SNTG1: variants seen among roughly 807,000 people sequenced by gnomAD.
SNTG1 encodes the protein syntrophin gamma 1.
In SNTG1, 39 loss-of-function variants were observed where a neutral mutation model predicts 74.7. That is an observed-to-expected ratio of 0.52 (90% CI 0.40 to 0.68). The LOEUF (loss-of-function observed/expected upper bound fraction) is 0.68, where lower values mean the gene tolerates loss of function less well. Ranked by LOEUF, SNTG1 falls within the 30% of genes least tolerant of loss-of-function variation. The pLI is 0.00. For synonymous variants in SNTG1, 254 were observed against 217.1 expected (o/e 1.17, Z -1.49); for missense variants, 685 against 609.5 (o/e 1.12, Z -1.30).
At chr8:50,542,113 C>CATAT (rs147663122) in intron 11 of SNTG1, among the ~76,000 whole-genome samples, 8 of 96,084 alleles carry the variant, frequency 8.3e-5, no homozygotes, top group South Asian at 6.7e-4. Context: ...TGTATATATA[C>CATAT]ATATATATAT....
chr8:50,737,305 G>A (rs1354898790), intron 17 of SNTG1, among the ~76,000 whole-genome samples: 1 of 151,854 alleles, frequency 6.6e-6, no homozygotes, highest in Non-Finnish European at 1.5e-5. Context: ...ACCAGAAAAT[G>A]TAGAATAAAT....
chr8:50,685,307 T>C (rs1478539911), intron 15 of SNTG1, among the ~76,000 whole-genome samples: 1 of 152,168 alleles, frequency 6.6e-6, no homozygotes, highest in Non-Finnish European at 1.5e-5. Context: ...GAAAGAACTA[T>C]GCCATTTAAA....
chr8:50,695,246 T>C (rs866770641), intron 15 of SNTG1, among the ~76,000 whole-genome samples: 1 of 151,308 alleles, frequency 6.6e-6, no homozygotes, highest in African/African-American at 2.4e-5. Flanking sequence ...AGAAACAAAT[T>C]TAGGAAAGTT....
chr8:50,210,559 G>A (rs1025867280), intron 2 of SNTG1, among the ~76,000 whole-genome samples: 7 of 152,218 alleles, frequency 4.6e-5, no homozygotes, highest in African/African-American at 1.7e-4. Flanking sequence ...CCAGAAGAGA[G>A]TGGGAGCCAA....
At chr8:50,280,095 G>A (rs2088352924) in intron 2 of SNTG1, among the ~76,000 whole-genome samples, 1 of 152,158 alleles carries the variant, frequency 6.6e-6, no homozygotes, top group African/African-American at 2.4e-5. Flanking sequence ...AGACATATTT[G>A]GGGTAGCATA....
At chr8:49,995,367 G>A (rs1814105755) in intron 1 of SNTG1, among the ~76,000 whole-genome samples, 1 of 152,170 alleles carries the variant, frequency 6.6e-6, no homozygotes, top group African/African-American at 2.4e-5. Context: ...TAAATCAGGT[G>A]GCCAGAAGGT....
chr8:50,323,868 A>G (rs11783674), intron 2 of SNTG1, among the ~76,000 whole-genome samples: 81,934 of 151,978 alleles, frequency 0.54, 24,479 homozygotes, highest in East Asian at 0.85. Context: ...AAAAACTTTA[A>G]CAATTTACCA....
rs140393237 is a variant in SNTG1, at chr8:50,185,422, G to C, written c.-28+12787G>C. The stretch of plus-strand genomic sequence containing the variant: ...CAGTCTCAGGCAGTTATTTACAGCA[G>C]TGAGTGTGATAATGGACTAATATAC... On this transcript the variant is annotated intron_variant, in intron 2 of 18. Transcript: ENST00000642720. Among the ~76,000 whole-genome samples, 350 of 152,278 alleles carry C rather than the reference G, an allele frequency of 2.3e-3. 1 individual carries two copies. Among genetic ancestry groups the C allele is most frequent in the Non-Finnish European group, 4.2e-3 (288 of 68,016 alleles).
intron 12 of SNTG1, among the ~76,000 whole-genome samples, chr8:50,574,334 C>G (rs2130781047): frequency 6.6e-6 from 1 of 152,016 alleles, no homozygotes; most frequent in South Asian, 2.1e-4. Flanking sequence ...CTATATTTAC[C>G]TGATATTTTT....
chr8:50,338,029 A>G (rs1019047725), intron 2 of SNTG1, among the ~76,000 whole-genome samples: 2 of 151,906 alleles, frequency 1.3e-5, no homozygotes, highest in Non-Finnish European at 2.9e-5. Context: ...CCAGCTACTC[A>G]GGAGGCTGAG....
intron 17 of SNTG1, among the ~76,000 whole-genome samples, chr8:50,736,890 A>G (rs112462990): frequency 0.06 from 9,077 of 152,214 alleles, 315 homozygotes; most frequent in Non-Finnish European, 0.072. Context: ...ACGTACCGGA[A>G]TCTCTGGGAG....
chr8:50,508,498 T>C (rs942652365), intron 9 of SNTG1, among the ~76,000 whole-genome samples: 5 of 152,212 alleles, frequency 3.3e-5, no homozygotes, highest in Admixed American at 1.3e-4. Flanking sequence ...ATCGCCACAC[T>C]GACTTCCACA....
intron 1 of SNTG1, among the ~76,000 whole-genome samples, chr8:50,094,798 A>T (rs2131185922): frequency 6.6e-6 from 1 of 152,296 alleles, no homozygotes; most frequent in South Asian, 2.1e-4. Flanking sequence ...CAGCAATCTC[A>T]TTACTGGGTA....
intron 17 of SNTG1, among the ~76,000 whole-genome samples, chr8:50,737,125 C>T (rs2095530864): frequency 6.6e-6 from 1 of 151,908 alleles, no homozygotes; most frequent in Non-Finnish European, 1.5e-5. Context: ...AATCCAGGAG[C>T]TGGTTTTTTG....
Position 50,530,274 on chromosome 8 carries a change from G to C in SNTG1, c.549+15G>C. On this transcript the variant is annotated intron_variant, in intron 10 of 18. Coordinates refer to ENST00000642720, the MANE Select transcript of SNTG1 (RefSeq NM_018967.5). ...CCAACAATACAGTAAGATGACCCAG[G>C]CATAGCTCAGATTAATAAGGAGATA... 1 of 1,610,950 alleles carries C rather than the reference G, an allele frequency of 6.2e-7. No homozygotes were observed. Among genetic ancestry groups the C allele is most frequent in the Non-Finnish European group, 8.5e-7 (1 of 1,177,342 alleles).
At chr8:50,330,768 C>T (rs775777390) in intron 2 of SNTG1, among the ~76,000 whole-genome samples, 1 of 152,212 alleles carries the variant, frequency 6.6e-6, no homozygotes, top group Non-Finnish European at 1.5e-5. Context: ...AACTTCTTCA[C>T]GAGGTGGCAG....
At chr8:50,155,176 A>G (rs1263335334) in intron 1 of SNTG1, among the ~76,000 whole-genome samples, 1 of 152,234 alleles carries the variant, frequency 6.6e-6, no homozygotes, top group Admixed American at 6.5e-5. Flanking sequence ...AAAGCTCAAA[A>G]TAAAACTACC....
rs534737209 is a variant in SNTG1 at position 50,279,603 on chromosome 8, T to C, written c.-28+106968T>C. On this transcript the variant is annotated intron_variant, in intron 2 of 18. Coordinates refer to ENST00000642720, the MANE Select transcript of SNTG1 (RefSeq NM_018967.5). ...ATTTGTTTCTCTGCCCTTTTTGAGT[T>C]ACTAGTTGGGACAGATGCTTGTATC... Among the ~76,000 whole-genome samples, 4 of 152,264 alleles carry C rather than the reference T, an allele frequency of 2.6e-5. No homozygotes were observed. The South Asian group carries it at 8.3e-4, about 32-fold the overall frequency.
At chr8:50,289,344 A>C (rs2088961745) in intron 2 of SNTG1, among the ~76,000 whole-genome samples, 1 of 152,196 alleles carries the variant, frequency 6.6e-6, no homozygotes, top group Admixed American at 6.6e-5. Context: ...CAGACTTAGG[A>C]CAAATCTCCA....
Sources: gnomAD v4.1 joint callset for allele counts (sites outside exome capture counted in the v4.1 genomes callset) on GRCh38, gnomAD v4.1.1 for gene constraint, MANE v1.5 for transcripts, NCBI Gene and HGNC (gene_info 2026-07-23, HGNC 2026-07-21) for gene names.